TMEM38B: variants seen among roughly 807,000 people sequenced by gnomAD.
TMEM38B encodes the protein trimeric intracellular cation channel type B.
In TMEM38B, 24 loss-of-function variants were observed where a neutral mutation model predicts 28.7. That is an observed-to-expected ratio of 0.84 (90% CI 0.61 to 1.18). The LOEUF (loss-of-function observed/expected upper bound fraction) is 1.18, where lower values mean the gene tolerates loss of function less well. TMEM38B is among the 50% of genes most tolerant of loss of function. The probability of loss-of-function intolerance (pLI) is 0.00; values close to 1 mark genes in which losing one functional copy is unlikely to be tolerated. For missense variants in TMEM38B, 380 were observed against 350.9 expected, an observed-to-expected ratio of 1.08 and a Z score of -0.66; for synonymous variants, 131 against 127.7, an observed-to-expected ratio of 1.03 and a Z score of -0.17.
chr9:105,743,826 A>G (rs1048982353), intron 4 of TMEM38B, among the ~76,000 whole-genome samples: 2 of 152,148 alleles, frequency 1.3e-5, no homozygotes, highest in African/African-American at 4.8e-5. Context: ...TAGCACTGTA[A>G]GGTTTTTAAA....
intron 4 of TMEM38B, among the ~76,000 whole-genome samples, chr9:105,727,979 GCT>G (rs894168831): frequency 6.6e-6 from 1 of 152,030 alleles, no homozygotes; most frequent in African/African-American, 2.4e-5. Flanking sequence ...GTTTCCTGAG[GCT>G]CTCACTAGAA....
intron 5 of TMEM38B, chr9:105,759,681 G>T: frequency 6.3e-7 from 1 of 1,599,026 alleles, no homozygotes; most frequent in Admixed American, 1.7e-5. Flanking sequence ...ATACTAAACT[G>T]TTTTTAGAGT....
At chr9:105,726,929 T>C (rs1836539616) in intron 4 of TMEM38B, among the ~76,000 whole-genome samples, 1 of 152,182 alleles carries the variant, frequency 6.6e-6, no homozygotes, top group South Asian at 2.1e-4. Context: ...ACTTGTTGGC[T>C]TATTAGCTAT....
At chr9:105,735,329 C>T (rs1454954174) in intron 4 of TMEM38B, among the ~76,000 whole-genome samples, 3 of 152,148 alleles carry the variant, frequency 2.0e-5, no homozygotes, top group African/African-American at 2.4e-5. Context: ...TTATATAGCA[C>T]CATTACAGCA....
chr9:105,766,910 GC>G (rs1826393982), intron 5 of TMEM38B, among the ~76,000 whole-genome samples: 1 of 117,778 alleles, frequency 8.5e-6, no homozygotes, highest in Non-Finnish European at 1.7e-5. Context: ...CCCACGACAG[GC>G]CCCGGTGTGT....
chr9:105,746,962 G>T (rs1410598650), intron 4 of TMEM38B, among the ~76,000 whole-genome samples: 4 of 152,158 alleles, frequency 2.6e-5, no homozygotes, highest in South Asian at 4.1e-4. Flanking sequence ...TTGATGTGCT[G>T]CTGGATTCGG....
intron 4 of TMEM38B, among the ~76,000 whole-genome samples, chr9:105,723,828 C>T (rs567084864): frequency 1.8e-4 from 27 of 151,910 alleles, no homozygotes; most frequent in African/African-American, 6.0e-4. Flanking sequence ...TGTGCCTGGC[C>T]GAACTCAGTC....
intron 5 of TMEM38B, among the ~76,000 whole-genome samples, chr9:105,771,493 C>T (rs1305976155): frequency 6.6e-6 from 1 of 152,090 alleles, no homozygotes; most frequent in South Asian, 2.1e-4. Flanking sequence ...ATTTTAAACC[C>T]TGACACTCTT....
intron 5 of TMEM38B, chr9:105,760,211 A>G (rs576657399): frequency 3.4e-6 from 3 of 894,302 alleles, no homozygotes; most frequent in African/African-American, 1.6e-5. Context: ...CAAAATGTTG[A>G]TATGTCCAAA....
At chr9:105,719,589 T>A (rs1836247506) in intron 2 of TMEM38B, among the ~76,000 whole-genome samples, 1 of 152,156 alleles carries the variant, frequency 6.6e-6, no homozygotes, top group Non-Finnish European at 1.5e-5. Context: ...AACTCTCAAA[T>A]GAAAACAGTT....
intron 4 of TMEM38B, among the ~76,000 whole-genome samples, chr9:105,722,885 A>C (rs1836373672): frequency 6.6e-6 from 1 of 152,200 alleles, no homozygotes; most frequent in African/African-American, 2.4e-5. Flanking sequence ...AGATTATAGT[A>C]GAATTGTGGG....
chr9:105,731,455 C>T (rs1042909195), intron 4 of TMEM38B, among the ~76,000 whole-genome samples: 1 of 152,068 alleles, frequency 6.6e-6, no homozygotes, highest in Non-Finnish European at 1.5e-5. Context: ...TCCCTTCCCC[C>T]TCCCTCTCAC....
chr9:105,744,910 C>T (rs549284147), intron 4 of TMEM38B, among the ~76,000 whole-genome samples: 88 of 152,296 alleles, frequency 5.8e-4, no homozygotes, highest in Non-Finnish European at 1.1e-3. Flanking sequence ...CTACAAAGGA[C>T]ATGAACTGAT....
intron 5 of TMEM38B, among the ~76,000 whole-genome samples, chr9:105,756,179 A>C (rs1837825985): frequency 6.6e-6 from 1 of 152,208 alleles, no homozygotes; most frequent in Non-Finnish European, 1.5e-5. Flanking sequence ...ATAAAATAGA[A>C]GGTAGATTCC....
intron 4 of TMEM38B, among the ~76,000 whole-genome samples, chr9:105,739,709 G>A (rs1837124390): frequency 6.6e-6 from 1 of 151,830 alleles, no homozygotes. Context: ...ATTTTTAGTA[G>A]AGAAAGCGTT....
At chr9:105,708,188 A>G (rs1835753705) in intron 2 of TMEM38B, among the ~76,000 whole-genome samples, 1 of 152,192 alleles carries the variant, frequency 6.6e-6, no homozygotes, top group Non-Finnish European at 1.5e-5. Context: ...CTTGAATTCA[A>G]CCAGCTGCAG....
chr9:105,762,061 T>G (rs1321312386), intron 5 of TMEM38B, among the ~76,000 whole-genome samples: 1 of 152,102 alleles, frequency 6.6e-6, no homozygotes, highest in East Asian at 1.9e-4. Flanking sequence ...ATTCCTTAAG[T>G]GTAAAGAAAT....
intron 3 of TMEM38B, among the ~76,000 whole-genome samples, chr9:105,722,203 CT>C (rs1836342755): frequency 6.6e-6 from 1 of 152,032 alleles, no homozygotes; most frequent in Admixed American, 6.6e-5. Context: ...TCTCTGTAAC[CT>C]CTTTTTACAG....
In TMEM38B at chr9:105,730,073, TTCTC is replaced by T. The variant is rs1836674552; in HGVS notation, c.542+7454_542+7457del. ...TCCTATTTGAATACGCTTTATTTCT[TTCTC>T]TTTCCTTTTTGCCCTGGCCAGACCT... On this transcript the variant is annotated intron_variant, in intron 4 of 5. Transcript: ENST00000374692. Among the ~76,000 whole-genome samples the T allele has an allele frequency of 2.0e-5, 3 of 152,222 alleles. No homozygotes were observed. The South Asian group carries it at 6.2e-4, about 32-fold the overall frequency.
Sources: allele counts gnomAD v4.1 joint callset (sites outside exome capture counted in the v4.1 genomes callset), GRCh38; gene constraint gnomAD v4.1.1; transcripts MANE v1.5; gene names NCBI Gene and HGNC (gene_info 2026-07-23, HGNC 2026-07-21).